ARL14EPL: variants seen among roughly 807,000 people sequenced by gnomAD.
The protein encoded by ARL14EPL is ARL14 effector protein-like.
ARL14EPL carries 17 observed loss-of-function variants against 15.9 expected under a neutral mutation model. That is an observed-to-expected ratio of 1.07 (90% CI 0.73 to 1.60). The LOEUF (loss-of-function observed/expected upper bound fraction) is 1.60, where lower values mean the gene tolerates loss of function less well. Among genes scored for constraint, ARL14EPL ranks in the 40% most tolerant of loss-of-function variants. The pLI, the probability that ARL14EPL is intolerant of heterozygous loss-of-function variation, is 0.00. For missense variants in ARL14EPL, 214 were observed against 185.9 expected, an observed-to-expected ratio of 1.15 and a Z score of -0.88; for synonymous variants, 78 against 63.8, an observed-to-expected ratio of 1.22 and a Z score of -1.06.
chr5:116,035,314 G>C (rs1164076126), intron 1 of ARL14EPL, among the ~76,000 whole-genome samples: 1 of 152,178 alleles, frequency 6.6e-6, no homozygotes, highest in African/African-American at 2.4e-5. Flanking sequence ...TGCTTCAGTA[G>C]GTACTTCATT....
chr5:116,048,693 C>T (rs891250963), intron 1 of ARL14EPL, among the ~76,000 whole-genome samples: 4 of 151,748 alleles, frequency 2.6e-5, no homozygotes, highest in Admixed American at 2.0e-4. Flanking sequence ...TGGGATCCCT[C>T]GACCAAAGTT....
chr5:116,048,562 A>G lies in ARL14EPL; in HGVS notation c.-9-2895A>G, dbSNP rs557805510. Among the ~76,000 whole-genome samples, 20 of 152,312 alleles carry G rather than the reference A, an allele frequency of 1.3e-4. 1 individual carries two copies. The highest frequency in any genetic ancestry group is 1.0e-3 in the Admixed American group (16 of 15,292). Reference sequence around the variant, plus strand: ...AATACGCTTATCATAATATTGTGACAGTAATACATGTGCCCAACTGTTAAC... The same window carrying G: ...AATACGCTTATCATAATATTGTGACGGTAATACATGTGCCCAACTGTTAAC... On this transcript the variant is annotated intron_variant, in intron 1 of 3. Transcript: ENST00000686077.
intron 1 of ARL14EPL, among the ~76,000 whole-genome samples, chr5:116,034,578 T>C (rs1749014320): frequency 6.6e-6 from 1 of 152,158 alleles, no homozygotes; most frequent in Non-Finnish European, 1.5e-5. Flanking sequence ...ATAAATAAGT[T>C]CAGAGAGAAG....
intron 1 of ARL14EPL, among the ~76,000 whole-genome samples, chr5:116,037,593 T>TG (rs1469940678): frequency 3.3e-5 from 5 of 152,224 alleles, no homozygotes; most frequent in African/African-American, 1.2e-4. Context: ...TTTGTTTGTT[T>TG]TTAACTGTTT....
chr5:116,058,736 A>T lies in ARL14EPL; in HGVS notation c.248A>T (p.Lys83Met). 1 of 1,535,038 alleles carries T rather than the reference A, an allele frequency of 6.5e-7. No homozygotes were observed. The highest frequency in any genetic ancestry group is 2.4e-5 in the East Asian group (1 of 40,912). Residue 83 changes from lysine to methionine, a missense_variant, in exon 4 of 4, where the codon AAG becomes ATG. By Grantham distance (95) the Lys-to-Met change is moderately conservative. Coordinates refer to ENST00000686077, the MANE Select transcript of ARL14EPL (RefSeq NM_001195581.2). ...YFSTKYKIMR[K>M]YDKSGRLICN... ...CTTTTCCTTTGTAGAATAATGAGGAAGTATGACAAAAGTGGCAGGCTCATC... is the reference window on the plus strand; with the variant it reads ...CTTTTCCTTTGTAGAATAATGAGGATGTATGACAAAAGTGGCAGGCTCATC...
In ARL14EPL at chr5:116,051,573, A is replaced by G; in HGVS notation, c.96+12A>G. The G allele has an allele frequency of 6.6e-7, 1 of 1,513,280 alleles. No homozygotes were observed. The highest frequency in any genetic ancestry group is 8.9e-7 in the Non-Finnish European group (1 of 1,126,414). The allele number at this position is 1,513,280 out of a possible 1,614,324, so 93.7% of individuals were successfully genotyped here. ...GACAGAAACAACTGGTATGGCACACAGATTCTATGATTCCATGCTACTGGG... is the reference window on the plus strand; with the variant it reads ...GACAGAAACAACTGGTATGGCACACGGATTCTATGATTCCATGCTACTGGG... On this transcript the variant is annotated intron_variant, in intron 2 of 3. Transcript: ENST00000686077.
At chr5:116,056,980 A>T (rs531048181) in intron 3 of ARL14EPL, among the ~76,000 whole-genome samples, 1 of 152,314 alleles carries the variant, frequency 6.6e-6, no homozygotes, top group Admixed American at 6.5e-5. Flanking sequence ...AAAAAGAGAG[A>T]ATTTTAGACG....
chr5:116,036,515 T>C (rs1749052251), intron 1 of ARL14EPL, among the ~76,000 whole-genome samples: 1 of 152,230 alleles, frequency 6.6e-6, no homozygotes, highest in African/African-American at 2.4e-5. Flanking sequence ...GCATCTACTT[T>C]GCAAACATTA....
chr5:116,057,823 A>G (rs1000957756), intron 3 of ARL14EPL, among the ~76,000 whole-genome samples: 2 of 152,206 alleles, frequency 1.3e-5, no homozygotes, highest in African/African-American at 4.8e-5. Context: ...GTGCAGGAGT[A>G]TTATACATAA....
chr5:116,053,951 G>T (rs1749454713), intron 2 of ARL14EPL, 63 bp from the exon 3 acceptor site: 2 of 1,387,102 alleles, frequency 1.4e-6, no homozygotes, highest in South Asian at 1.5e-5. Context: ...GTTCATTTTG[G>T]GGAAATGTAA....
At chr5:116,050,592 C>T (rs569743626) in intron 1 of ARL14EPL, among the ~76,000 whole-genome samples, 1 of 152,264 alleles carries the variant, frequency 6.6e-6, no homozygotes, top group Admixed American at 6.5e-5. Flanking sequence ...GTCAAGCCAA[C>T]ATGATAACGC....
intron 1 of ARL14EPL, among the ~76,000 whole-genome samples, chr5:116,046,056 C>A (rs1749261899): frequency 6.6e-6 from 1 of 152,082 alleles, no homozygotes; most frequent in African/African-American, 2.4e-5. Context: ...CAGATATGCC[C>A]CTGGTGGGAT....
At chr5:116,051,623 G>C in intron 2 of ARL14EPL, 62 bp downstream of exon 2, 1 of 1,331,686 alleles carries the variant, frequency 7.5e-7, no homozygotes, top group Non-Finnish European at 1.0e-6. Context: ...GGATCTCTGA[G>C]ATGCCCATGG....
intron 1 of ARL14EPL, among the ~76,000 whole-genome samples, chr5:116,034,976 A>G (rs1168824962): frequency 6.6e-6 from 1 of 152,210 alleles, no homozygotes; most frequent in Non-Finnish European, 1.5e-5. Context: ...ATGAAGGAGT[A>G]TAAGATTTTC....
intron 3 of ARL14EPL, among the ~76,000 whole-genome samples, chr5:116,054,559 C>T (rs1463519077): frequency 2.0e-5 from 3 of 152,260 alleles, no homozygotes; most frequent in East Asian, 1.9e-4. Flanking sequence ...TGGCTGGGCA[C>T]GGTGGCTCAC....
intron 1 of ARL14EPL, among the ~76,000 whole-genome samples, chr5:116,048,086 T>C (rs2112674830): frequency 6.6e-6 from 1 of 152,304 alleles, no homozygotes; most frequent in South Asian, 2.1e-4. Context: ...TACTAAACAG[T>C]TGCTCCATCT....
At chr5:116,037,387 C>T (rs1485906052) in intron 1 of ARL14EPL, among the ~76,000 whole-genome samples, 1 of 152,186 alleles carries the variant, frequency 6.6e-6, no homozygotes, top group African/African-American at 2.4e-5. Context: ...CTCTGCAGGT[C>T]CCACACATCC....
intron 1 of ARL14EPL, among the ~76,000 whole-genome samples, chr5:116,039,835 A>G (rs1376012956): frequency 6.6e-6 from 1 of 152,230 alleles, no homozygotes; most frequent in Non-Finnish European, 1.5e-5. Context: ...GAACAAATTT[A>G]TGCCAATAAG....
intron 1 of ARL14EPL, among the ~76,000 whole-genome samples, chr5:116,035,293 G>T (rs963917504): frequency 6.6e-6 from 1 of 152,182 alleles, no homozygotes; most frequent in African/African-American, 2.4e-5. Context: ...CACTTGGTCC[G>T]CGAGGACACT....
Sources: gnomAD v4.1 joint callset for allele counts (sites outside exome capture counted in the v4.1 genomes callset) on GRCh38, gnomAD v4.1.1 for gene constraint, MANE v1.5 for transcripts, NCBI Gene and HGNC (gene_info 2026-07-23, HGNC 2026-07-21) for gene names.